Variants in ZNF571 observed in about 807,000 individuals in gnomAD.
ZNF571 encodes the protein zinc finger protein 571.
Under a neutral mutation model 7.7 loss-of-function variants are expected in ZNF571, and 4 were observed. That is an observed-to-expected ratio of 0.52 (90% CI 0.25 to 1.18). ZNF571 has a LOEUF of 1.18. ZNF571 is among the 50% of genes most tolerant of loss of function. The probability of loss-of-function intolerance (pLI) is 0.14; values close to 1 mark genes in which losing one functional copy is unlikely to be tolerated. For missense variants in ZNF571, 704 were observed against 726.9 expected, an observed-to-expected ratio of 0.97 and a Z score of 0.36; for synonymous variants, 251 against 232.4, an observed-to-expected ratio of 1.08 and a Z score of -0.73.
Position 37,565,422 on chromosome 19 carries a change from T to TGTAAGGCTTTTCACCAGTATGAACTCTC in ZNF571, c.978_1005dup (p.Ile336GlufsTer6). ...AAGGCTTTCCCACATTCTTTACATA[T>TGTAAGGCTTTTCACCAGTATGAACTCTC]GTAAGGCTTTTCACCAGTATGAACT... is the stretch of plus-strand genomic sequence containing the variant. On this transcript the variant is annotated stop_gained and frameshift_variant, in exon 4 of 4. Coordinates refer to ENST00000451802, the MANE Select transcript of ZNF571 (RefSeq NM_016536.5). LOFTEE classifies it low-confidence loss of function (END_TRUNC). The TGTAAGGCTTTTCACCAGTATGAACTCTC allele has an allele frequency of 1.2e-6, 2 of 1,612,996 alleles. No individual in the cohort carries two copies. The highest frequency in any genetic ancestry group is 1.7e-6 in the Non-Finnish European group (2 of 1,179,708).
At chr19:37,579,003 C>A (rs763379518) in intron 3 of ZNF571, among the ~76,000 whole-genome samples, 12 of 151,910 alleles carry the variant, frequency 7.9e-5, no homozygotes, top group Admixed American at 3.9e-4. Context: ...TTGCAGGAGT[C>A]CTGCTCCAGT....
intron 1 of ZNF571, among the ~76,000 whole-genome samples, chr19:37,587,959 G>A (rs1255844292): frequency 1.3e-5 from 2 of 151,816 alleles, no homozygotes; most frequent in Non-Finnish European, 2.9e-5. Flanking sequence ...AATTAGCCAG[G>A]CATGGTGGCA....
intron 1 of ZNF571, among the ~76,000 whole-genome samples, chr19:37,590,326 A>C (rs1210122400): frequency 6.6e-6 from 1 of 152,136 alleles, no homozygotes; most frequent in Non-Finnish European, 1.5e-5. Flanking sequence ...CTGAGGCAGG[A>C]GAACGGCGTG....
intron 3 of ZNF571, among the ~76,000 whole-genome samples, chr19:37,568,943 C>T (rs1416153771): frequency 1.3e-5 from 2 of 151,904 alleles, no homozygotes; most frequent in Non-Finnish European, 2.9e-5. Flanking sequence ...ACTGCTGACA[C>T]TCGGGAAGCC....
chr19:37,565,670 C>T lies in ZNF571; in HGVS notation c.758G>A (p.Cys253Tyr), dbSNP rs764552585. The change falls in exon 4 of 4, where the codon TGT becomes TAT. Residue 253 changes from cysteine (C) to tyrosine (Y), a missense_variant. Transcript: ENST00000451802. ...ACTAAAGGCTTTTCCACATTTCTTA[C>T]ATTCATATGGTTTCTCTCCTGTATG... ...RVHTGEKPYECKKCGKAFSYC... is the reference protein window; with the variant it reads ...RVHTGEKPYEYKKCGKAFSYC... 1.2e-6 allele frequency: 2 copies of T among 1,613,500 alleles called. No individual in the cohort carries two copies. The highest frequency in any genetic ancestry group is 1.7e-6 in the Non-Finnish European group (2 of 1,179,810).
intron 3 of ZNF571, among the ~76,000 whole-genome samples, chr19:37,578,509 T>G (rs1395050040): frequency 6.6e-6 from 1 of 152,204 alleles, no homozygotes; most frequent in Non-Finnish European, 1.5e-5. Context: ...CAAGCCCATG[T>G]GGAGCACCAC....
intron 3 of ZNF571, among the ~76,000 whole-genome samples, chr19:37,577,183 A>C (rs2043270800): frequency 6.6e-6 from 1 of 152,200 alleles, no homozygotes; most frequent in African/African-American, 2.4e-5. Flanking sequence ...AGGGCCATGA[A>C]GTACGCACAC....
intron 3 of ZNF571, among the ~76,000 whole-genome samples, chr19:37,567,907 T>C (rs2147156265): frequency 6.6e-6 from 1 of 152,354 alleles, no homozygotes; most frequent in African/African-American, 2.4e-5. Context: ...CAGAACACAG[T>C]ATACATATAA....
At chr19:37,592,323 CCTT>C (rs1175900793) in intron 1 of ZNF571, among the ~76,000 whole-genome samples, 3 of 152,184 alleles carry the variant, frequency 2.0e-5, no homozygotes, top group African/African-American at 7.2e-5. Context: ...GCTTCTCAAT[CCTT>C]CTAAAATTTT....
chr19:37,570,210 C>T (rs1026599916), intron 3 of ZNF571, among the ~76,000 whole-genome samples: 1 of 152,192 alleles, frequency 6.6e-6, no homozygotes, highest in Non-Finnish European at 1.5e-5. Flanking sequence ...GGTCCTTGGT[C>T]ATCACTAGGA....
rs747410075 is a variant in ZNF571, at chr19:37,568,623, CAG to C, written c.137-2334_137-2333del. Among the ~76,000 whole-genome samples, 3 of 152,160 alleles carry C rather than the reference CAG, an allele frequency of 2.0e-5. No homozygotes were observed. In the South Asian group the frequency reaches 6.2e-4, roughly 32 times the overall value. On this transcript the variant is annotated intron_variant, in intron 3 of 3. Coordinates refer to ENST00000451802, the MANE Select transcript of ZNF571 (RefSeq NM_016536.5). ...TATGAGAACACAGGATGGTGCTAAA[CAG>C]AAATCTAGAGGAATATAGAAAAAGT...
chr19:37,575,135 T>C (rs2043199781), intron 3 of ZNF571, among the ~76,000 whole-genome samples: 1 of 152,222 alleles, frequency 6.6e-6, no homozygotes, highest in South Asian at 2.1e-4. Context: ...ACTTAAACTA[T>C]AACCTGACTC....
chr19:37,565,048 T>G lies in ZNF571; in HGVS notation c.1380A>C (p.Ala460=). ...KECGKAFIRV[A]YLTQHEKIHG... is the part of the protein sequence containing the mutation. ...GAATTTTCTCATGTTGAGTAAGATATGCAACACGAATAAAGGCCTTTCCAC... is the reference window on the plus strand; with the variant it reads ...GAATTTTCTCATGTTGAGTAAGATAGGCAACACGAATAAAGGCCTTTCCAC... Residue 460 remains alanine, a synonymous_variant, in exon 4 of 4, where the codon GCA becomes GCC. Coordinates refer to ENST00000451802, the MANE Select transcript of ZNF571 (RefSeq NM_016536.5). 6.2e-7 allele frequency: 1 copy of G among 1,613,896 alleles called. No homozygotes were observed. The highest frequency in any genetic ancestry group is 8.5e-7 in the Non-Finnish European group (1 of 1,179,818).
At chr19:37,583,249 A>T (rs1237125839) in intron 3 of ZNF571, among the ~76,000 whole-genome samples, 1 of 152,208 alleles carries the variant, frequency 6.6e-6, no homozygotes, top group Non-Finnish European at 1.5e-5. Flanking sequence ...AGCTCTCAGT[A>T]CGTATGTGCT....
At chr19:37,568,630 C>CT (rs2042949782) in intron 3 of ZNF571, among the ~76,000 whole-genome samples, 1 of 152,072 alleles carries the variant, frequency 6.6e-6, no homozygotes, top group African/African-American at 2.4e-5. Flanking sequence ...AAACAGAAAT[C>CT]TAGAGGAATA....
chr19:37,565,675 A>G lies in ZNF571; in HGVS notation c.753T>C (p.Tyr251=). The G allele has an allele frequency of 6.2e-7, 1 of 1,613,660 alleles. No individual in the cohort carries two copies. The highest frequency in any genetic ancestry group is 8.5e-7 in the Non-Finnish European group (1 of 1,179,840). Reference sequence around the variant, plus strand: ...AGGCTTTTCCACATTTCTTACATTCATATGGTTTCTCTCCTGTATGAACTC... The same window carrying G: ...AGGCTTTTCCACATTTCTTACATTCGTATGGTTTCTCTCCTGTATGAACTC... ...HQRVHTGEKP[Y]ECKKCGKAFS... is the part of the protein sequence containing the mutation. Residue 251 remains tyrosine (Y), a synonymous_variant, in exon 4 of 4, where the codon TAT becomes TAC. Coordinates refer to ENST00000451802, the MANE Select transcript of ZNF571 (RefSeq NM_016536.5).
rs1600451022 is a variant in ZNF571 at position 37,564,365 on chromosome 19, G to C, written c.*233C>G. ...AAGAAATATATAGGATTTCAGTTAG[G>C]ATATGGTGAAATGGAGATGATGCTT... On this transcript the variant is annotated 3_prime_UTR_variant, in exon 4 of 4. Coordinates refer to ENST00000451802, the MANE Select transcript of ZNF571 (RefSeq NM_016536.5). 4 of 364,898 alleles carry C rather than the reference G, an allele frequency of 1.1e-5. No individual in the cohort carries two copies. The East Asian group carries it at 1.7e-4, about 15-fold the overall frequency. The allele number at this position is 364,898 out of a possible 1,614,324, so 22.6% of individuals were successfully genotyped here.
At position 37,566,142 on chromosome 19, in the gene ZNF571, A is replaced by C. The variant is rs372150808; in HGVS notation, c.286T>G (p.Leu96Val). 3.7e-6 allele frequency: 6 copies of C among 1,613,976 alleles called. No individual in the cohort carries two copies. The highest frequency in any genetic ancestry group is 8.5e-7 in the Non-Finnish European group (1 of 1,179,904). The change falls in exon 4 of 4, where the codon TTA becomes GTA. Residue 96 changes from leucine (L) to valine (V), a missense_variant. Coordinates refer to ENST00000451802, the MANE Select transcript of ZNF571 (RefSeq NM_016536.5). ...LGDNMECKGNLEGQEASQEGL... is the reference protein window; with the variant it reads ...LGDNMECKGNVEGQEASQEGL... ...TCCTGACTTGCTTCTTGACCCTCTA[A>C]GTTGCCTTTGCACTCCATATTGTCT...
At chr19:37,587,593 T>C (rs1303533457) in intron 1 of ZNF571, among the ~76,000 whole-genome samples, 1 of 76,648 alleles carries the variant, frequency 1.3e-5, no homozygotes, top group Non-Finnish European at 4.0e-5. Flanking sequence ...AGCACTGATC[T>C]TTTTTTTTTT....
Sources: allele counts gnomAD v4.1 joint callset (sites outside exome capture counted in the v4.1 genomes callset), GRCh38; gene constraint gnomAD v4.1.1; transcripts MANE v1.5; gene names NCBI Gene and HGNC (gene_info 2026-07-23, HGNC 2026-07-21).